The following KCTD10 variants were observed in gnomAD, a reference collection of about 807,000 sequenced individuals.
The protein encoded by KCTD10 is BTB/POZ domain-containing adapter for CUL3-mediated RhoA degradation protein 3.
In KCTD10, 13 loss-of-function variants were observed where a neutral mutation model predicts 34.6. The ratio of observed to expected loss-of-function variants is 0.38; its 90% confidence interval spans 0.24 to 0.60. The LOEUF is 0.60. Ranked by LOEUF, KCTD10 falls within the 20% of genes least tolerant of loss-of-function variation. KCTD10 has a pLI of 0.66. For synonymous variants in KCTD10, 156 were observed against 168.8 expected (o/e 0.92, Z 0.59); for missense variants, 256 against 420.3 (o/e 0.61, Z 3.42).
Position 109,458,012 on chromosome 12 carries a change from G to C in KCTD10, c.454C>G (p.Leu152Val). ...VITSSKEEQK[L>V]IATSNKPAVK... ...CATACCTTATTTGAAGTCGCTATAA[G>C]TTTTTGTTCTTCCTTGGATGAGGTG... Residue 152 changes from leucine (L) to valine (V), a missense_variant, in exon 4 of 7, where the codon CTT (leucine) becomes GTT (valine). Transcript: ENST00000228495. The C allele has an allele frequency of 2.5e-6, 4 of 1,613,964 alleles. No homozygotes were observed. The highest frequency in any genetic ancestry group is 3.4e-6 in the Non-Finnish European group (4 of 1,179,794).
At position 109,460,505 on chromosome 12, in the gene KCTD10, G is replaced by C. The variant is rs1184804194; in HGVS notation, c.387+131C>G. 2 of 1,025,084 alleles carry C rather than the reference G, an allele frequency of 2.0e-6. No individual in the cohort carries two copies. The highest frequency in any genetic ancestry group is 2.8e-6 in the Non-Finnish European group (2 of 702,740). The allele number at this position is 1,025,084 out of a possible 1,614,324, so 63.5% of individuals were successfully genotyped here. A position where few individuals can be genotyped will look rare whatever the true frequency, so the allele number is the denominator to read the frequency against. ...CTCCAACCGAAGGAATCGGGCTCCA[G>C]GGCAAACTCATTAACTCTCACAACA... On this transcript the variant is annotated intron_variant, in intron 3 of 6. Transcript: ENST00000228495. The surrounding 1 kb of genome is among the most constrained non-coding windows in gnomAD (Gnocchi z 4.5).
rs1873788102 is a variant in KCTD10 at position 109,469,678 on chromosome 12, A to T, written c.54T>A (p.Ala18=). The T allele has an allele frequency of 6.2e-7, 1 of 1,614,200 alleles. No individual in the cohort carries two copies. The highest frequency in any genetic ancestry group is 1.6e-4 in the Middle Eastern group (1 of 6,062). Residue 18 remains alanine (A), a synonymous_variant, in exon 2 of 7, where the codon GCT becomes GCA. Coordinates refer to ENST00000228495, the MANE Select transcript of KCTD10 (RefSeq NM_031954.5). ...TGCCCTTGAAGGAAGTGGTGCGGGTAGCAGCCGCTGGCACCGCTGAGCTCA... is the reference window on the plus strand; with the variant it reads ...TGCCCTTGAAGGAAGTGGTGCGGGTTGCAGCCGCTGGCACCGCTGAGCTCA... ...SVVSSAVPAA[A]TRTTSFKGTS...
chr12:109,471,710 G>A (rs550159423), intron 1 of KCTD10, among the ~76,000 whole-genome samples: 1 of 152,146 alleles, frequency 6.6e-6, no homozygotes, highest in Non-Finnish European at 1.5e-5. Flanking sequence ...ACCTCGAAGG[G>A]GGGGAGAAAA....
Position 109,460,837 on chromosome 12 carries a change from T to C in KCTD10, c.218-32A>G. ...AGGGAGGAGGCAGGGGCTGGTTACA[T>C]GGGCCCTCCTCTTGTGGGAGGCCCT... On this transcript the variant is annotated intron_variant, in intron 2 of 6. Coordinates refer to ENST00000228495, the MANE Select transcript of KCTD10 (RefSeq NM_031954.5). The surrounding 1 kb of genome is among the most constrained non-coding windows in gnomAD (Gnocchi z 4.5). The C allele has an allele frequency of 6.2e-7, 1 of 1,607,570 alleles. No homozygotes were observed. Among genetic ancestry groups the C allele is most frequent in the Non-Finnish European group, 8.5e-7 (1 of 1,175,458 alleles).
chr12:109,464,803 G>A (rs745326687), intron 2 of KCTD10: 1 of 455,944 alleles, frequency 2.2e-6, no homozygotes, highest in African/African-American at 2.0e-5. Flanking sequence ...TAATTAAAAG[G>A]TTGGACAGTG....
At chr12:109,476,321 ACTTTT>A (rs1304396439) in intron 1 of KCTD10, among the ~76,000 whole-genome samples, 1 of 152,170 alleles carries the variant, frequency 6.6e-6, no homozygotes, top group African/African-American at 2.4e-5. Flanking sequence ...AGGATAACTG[ACTTTT>A]CTTCAGCAGC....
At chr12:109,457,607 G>A (rs550815206) in intron 5 of KCTD10, 23 bp downstream of exon 5, 1 of 1,611,964 alleles carries the variant, frequency 6.2e-7, no homozygotes, top group Admixed American at 1.7e-5. Flanking sequence ...AAATGGAGCT[G>A]TCTTTCCCGG....
At chr12:109,464,326 G>C (rs180734233) in intron 2 of KCTD10, among the ~76,000 whole-genome samples, 82 of 152,304 alleles carry the variant, frequency 5.4e-4, no homozygotes, top group Admixed American at 1.0e-3. Flanking sequence ...ATAATTCTTA[G>C]TTGTAAGAGG....
In KCTD10 at chr12:109,450,866, A is replaced by T. The variant is rs1263252696; in HGVS notation, c.*729T>A. On this transcript the variant is annotated 3_prime_UTR_variant, in exon 7 of 7. Transcript: ENST00000228495. ...GAAAGTTCTGCTCCTACGCAGACAT[A>T]TGGGGTCCCAGTGAGCACCAGGCCA... 2.0e-5 allele frequency: 3 copies of T among 153,156 alleles called. No homozygotes were observed. The highest frequency in any genetic ancestry group is 7.2e-5 in the African/African-American group (3 of 41,604). The allele number at this position is 153,156 out of a possible 1,614,324, so 9.5% of individuals were successfully genotyped here.
At position 109,469,662 on chromosome 12, in the gene KCTD10, A is replaced by T. The variant is rs775460610; in HGVS notation, c.70T>A (p.Phe24Ile). The T allele has an allele frequency of 1.9e-6, 3 of 1,614,084 alleles. No homozygotes were observed. In the South Asian group the frequency reaches 3.3e-5, roughly 18 times the overall value. The change falls in exon 2 of 7, where the codon TTC becomes ATC. Residue 24 changes from phenylalanine (F) to isoleucine (I), a missense_variant. By Grantham distance (21) the Phe-to-Ile change is conservative (BLOSUM62 0). Transcript: ENST00000228495. The part of the protein sequence containing the change: ...VPAAATRTTS[F>I]KGTSPSSKYV... ...TTGGAGCTGGGGCTCGTGCCCTTGA[A>T]GGAAGTGGTGCGGGTAGCAGCCGCT... is the stretch of plus-strand genomic sequence containing the variant.
Position 109,451,904 on chromosome 12 carries a change from G to A in KCTD10, c.724-91C>T. On this transcript the variant is annotated intron_variant, in intron 6 of 6. Coordinates refer to ENST00000228495, the MANE Select transcript of KCTD10 (RefSeq NM_031954.5). The surrounding 1 kb of genome is among the most constrained non-coding windows in gnomAD (Gnocchi z 5.0). ...TAAGCAGGGCCGCCAGGCTAAATCA[G>A]GCCCCTGGGATTCTGCTGAAGGCCA... 1 of 1,103,548 alleles carries A rather than the reference G, an allele frequency of 9.1e-7. No homozygotes were observed. Among genetic ancestry groups the A allele is most frequent in the South Asian group, 1.9e-5 (1 of 52,948 alleles). The allele number at this position is 1,103,548 out of a possible 1,614,324, so 68.4% of individuals were successfully genotyped here.
At position 109,450,092 on chromosome 12, in the gene KCTD10, A is replaced by G. The variant is rs1344589878; in HGVS notation, c.*1503T>C. The G allele has an allele frequency of 2.5e-6, 1 of 395,868 alleles. No homozygotes were observed. The highest frequency in any genetic ancestry group is 4.4e-6 in the Non-Finnish European group (1 of 224,880). 24.5% of individuals were successfully genotyped at this position (395,868 alleles called of 1,614,324 possible). A position where few individuals can be genotyped will look rare whatever the true frequency, so the allele number is the denominator to read the frequency against. ...CTGTAAAAACCGTTTGAAAATATAA[A>G]CTCGTTTTTGGAATACATGTGTCAA... On this transcript the variant is annotated 3_prime_UTR_variant, in exon 7 of 7. Coordinates refer to ENST00000228495, the MANE Select transcript of KCTD10 (RefSeq NM_031954.5).
rs1056772612 is a variant in KCTD10 at position 109,460,578 on chromosome 12, G to A, written c.387+58C>T. On this transcript the variant is annotated intron_variant, in intron 3 of 6. Coordinates refer to ENST00000228495, the MANE Select transcript of KCTD10 (RefSeq NM_031954.5). The surrounding 1 kb of genome is among the most constrained non-coding windows in gnomAD (Gnocchi z 4.5). The stretch of plus-strand genomic sequence containing the variant: ...CCCATTTTGCAGAGAGGGAAAATGA[G>A]GAAGGCAGGTAGGCTTGGTGCCTCT... The A allele has an allele frequency of 9.1e-6, 14 of 1,536,432 alleles. No homozygotes were observed. The highest frequency in any genetic ancestry group is 1.2e-5 in the Non-Finnish European group (14 of 1,127,444).
At chr12:109,456,514 A>C in intron 5 of KCTD10, 1 of 604,136 alleles carries the variant, frequency 1.7e-6, no homozygotes. Flanking sequence ...GTAATTGCTC[A>C]AGGCTGAACC....
At chr12:109,453,573 A>G (rs1283513718) in intron 6 of KCTD10, among the ~76,000 whole-genome samples, 1 of 152,168 alleles carries the variant, frequency 6.6e-6, no homozygotes, top group Non-Finnish European at 1.5e-5. Flanking sequence ...ACTCTGAGGG[A>G]AGGAACCTTC....
chr12:109,475,910 CCT>C (rs1874186568), intron 1 of KCTD10, among the ~76,000 whole-genome samples: 1 of 152,158 alleles, frequency 6.6e-6, no homozygotes, highest in Admixed American at 6.5e-5. Flanking sequence ...ACATTCTCTC[CCT>C]GTGTTTAATA....
intron 1 of KCTD10, chr12:109,471,334 T>C: frequency 3.0e-6 from 3 of 985,428 alleles, no homozygotes; most frequent in Non-Finnish European, 3.6e-6. Flanking sequence ...CCCAACTCCA[T>C]GGCACCCAAC....
At position 109,471,001 on chromosome 12, in the gene KCTD10, C is replaced by G. The variant is rs961465364; in HGVS notation, c.4-1273G>C. ...AGCCCACAGCCCTTCTCTGAGATGT[C>G]CCACAGTTCTTCCCCACCCCAATGC... On this transcript the variant is annotated intron_variant, in intron 1 of 6. Coordinates refer to ENST00000228495, the MANE Select transcript of KCTD10 (RefSeq NM_031954.5). 8.4e-6 allele frequency: 4 copies of G among 475,644 alleles called. No individual in the cohort carries two copies. In the African/African-American group the frequency reaches 8.5e-5, roughly 10 times the overall value. 29.5% of individuals were successfully genotyped at this position (475,644 alleles called of 1,614,324 possible).
chr12:109,456,542 G>A (rs11615949), intron 5 of KCTD10: 91,557 of 551,008 alleles, frequency 0.17, 7,924 homozygotes, highest in Middle Eastern at 0.19. Flanking sequence ...TGGCAGACAC[G>A]CCCCCCAAAA....
Sources: allele counts gnomAD v4.1 joint callset (sites outside exome capture counted in the v4.1 genomes callset), GRCh38; gene constraint gnomAD v4.1.1; non-coding constraint Gnocchi (gnomAD v3.1); transcripts MANE v1.5; gene names NCBI Gene and HGNC (gene_info 2026-07-23, HGNC 2026-07-21).